CHFR: variants seen among roughly 807,000 people sequenced by gnomAD.
CHFR encodes checkpoint with forkhead and ring finger domains.
Under a neutral mutation model 87.6 loss-of-function variants are expected in CHFR, and 57 were observed. The observed-to-expected ratio is 0.65, with a 90% CI of 0.53 to 0.81. The LOEUF (loss-of-function observed/expected upper bound fraction) is 0.81. Ranked by LOEUF, CHFR falls within the 30% of genes least tolerant of loss-of-function variation. The pLI is 0.00. For synonymous variants in CHFR, 381 were observed against 359.2 expected (o/e 1.06, Z -0.69); for missense variants, 797 against 865.8 (o/e 0.92, Z 1.00).
At chr12:132,862,821 C>CT in intron 6 of CHFR, among the ~76,000 whole-genome samples, 1 of 151,334 alleles carries the variant, frequency 6.6e-6, no homozygotes, top group African/African-American at 2.4e-5. Context: ...ACCTCATGAT[C>CT]CACCTGCCTC....
intron 9 of CHFR, among the ~76,000 whole-genome samples, chr12:132,857,151 G>A (rs1382974064): frequency 2.2e-5 from 3 of 136,798 alleles, no homozygotes; most frequent in South Asian, 2.5e-4. Context: ...TCACGTGCCC[G>A]GGTGCTGCTG....
intron 3 of CHFR, among the ~76,000 whole-genome samples, chr12:132,874,238 A>ATTACAT (rs1951562667): frequency 6.6e-6 from 1 of 152,274 alleles, no homozygotes; most frequent in African/African-American, 2.4e-5. Context: ...AATAGCCATA[A>ATTACAT]GAAAGTACCA....
intron 3 of CHFR, among the ~76,000 whole-genome samples, chr12:132,873,554 G>A (rs910690753): frequency 1.3e-5 from 2 of 151,782 alleles, no homozygotes; most frequent in Non-Finnish European, 2.9e-5. Context: ...CTGGCTACGG[G>A]GCTGGAGTGC....
intron 4 of CHFR, among the ~76,000 whole-genome samples, chr12:132,870,996 G>A (rs1013761706): frequency 6.6e-6 from 1 of 152,216 alleles, no homozygotes; most frequent in Admixed American, 6.5e-5. Flanking sequence ...AATGGCATCA[G>A]GAGGCAGAAG....
chr12:132,868,287 G>A (rs904172209), intron 6 of CHFR, among the ~76,000 whole-genome samples: 3 of 152,136 alleles, frequency 2.0e-5, no homozygotes, highest in Admixed American at 6.6e-5. Flanking sequence ...TCAGGAGATC[G>A]AGACCATCCT....
chr12:132,843,013 G>A lies in CHFR; in HGVS notation c.1914C>T (p.Ala638=), dbSNP rs1401175113. 1.2e-6 allele frequency: 2 copies of A among 1,611,498 alleles called. No homozygotes were observed. Among genetic ancestry groups the A allele is most frequent in the Non-Finnish European group, 1.7e-6 (2 of 1,178,940 alleles). The change falls in exon 17 of 18, where the codon GCC becomes GCT. Residue 638 remains alanine, a splice_region_variant and synonymous_variant. Coordinates refer to ENST00000450056, the MANE Select transcript of CHFR (RefSeq NM_001161346.2). ...NCRTQVKAHH[A]MKFNHICEQT... is the part of the protein sequence containing the mutation. ...CCTGTGCCCCCAGCTGCACTCACAT[G>A]GCGTGGTGAGCTTTCACCTGAGTGC... is the stretch of plus-strand genomic sequence containing the variant.
intron 12 of CHFR, 140 bp downstream of exon 12, chr12:132,851,477 TG>T: frequency 1.1e-6 from 1 of 951,036 alleles, no homozygotes; most frequent in Non-Finnish European, 1.5e-6. Context: ...TATGGTGACG[TG>T]GGGAAAACTG....
chr12:132,849,780 G>C (rs1180805083), intron 12 of CHFR: 1 of 151,520 alleles, frequency 6.6e-6, no homozygotes, highest in Non-Finnish European at 1.5e-5. Flanking sequence ...AGTAAAGATG[G>C]GGTCTCACCG....
chr12:132,842,507 C>A (rs66746091), intron 17 of CHFR, among the ~76,000 whole-genome samples: 22,851 of 152,248 alleles, frequency 0.15, 2,246 homozygotes, highest in Admixed American at 0.21. Context: ...CCTTGGGCCA[C>A]AGGAGTGATT....
intron 6 of CHFR, 27 bp from the exon 7 acceptor site, chr12:132,861,661 T>A: frequency 6.2e-7 from 1 of 1,608,590 alleles, no homozygotes. Flanking sequence ...ACAAGATAGG[T>A]GCTGATCCAT....
At chr12:132,864,792 G>A (rs4303268) in intron 6 of CHFR, among the ~76,000 whole-genome samples, 1 of 152,046 alleles carries the variant, frequency 6.6e-6, no homozygotes, top group Non-Finnish European at 1.5e-5. Flanking sequence ...CCGGCCAGAA[G>A]AATTTTTTTT....
At chr12:132,880,884 G>C (rs1951752198) in intron 2 of CHFR, among the ~76,000 whole-genome samples, 1 of 151,986 alleles carries the variant, frequency 6.6e-6, no homozygotes, top group South Asian at 2.1e-4. Context: ...AGAATGGTGG[G>C]AACCCAGGAA....
rs377703818 is a variant in CHFR, at chr12:132,872,293, G to C, written c.335C>G (p.Pro112Arg). 6 of 1,607,182 alleles carry C rather than the reference G, an allele frequency of 3.7e-6. No individual in the cohort carries two copies. Among genetic ancestry groups the C allele is most frequent in the Non-Finnish European group, 4.3e-6 (5 of 1,173,774 alleles). Residue 112 changes from proline (P) to arginine (R), a missense_variant, in exon 4 of 18, where the codon CCG (proline) becomes CGG (arginine). By Grantham distance (103) the Pro-to-Arg change is moderately radical. Coordinates refer to ENST00000450056, the MANE Select transcript of CHFR (RefSeq NM_001161346.2). ...GCCTTCCTCTCTCTTACTGTGTTCC[G>C]GTTCATTCTTCCTGTACACCAAGTA... is the stretch of plus-strand genomic sequence containing the variant. Reference protein sequence around the residue: ...VIYLVYRKNEPEHNVAYLYES... With the variant: ...VIYLVYRKNEREHNVAYLYES...
chr12:132,861,644 G>C lies in CHFR; in HGVS notation c.584-10C>G, dbSNP rs199919075. The stretch of plus-strand genomic sequence containing the variant: ...CCACCACCCCCAGACCCTGTGAGAG[G>C]AATCAAACAAGATAGGTGCTGATCC... On this transcript the variant is annotated splice_polypyrimidine_tract_variant and intron_variant, in intron 6 of 17. Transcript: ENST00000450056. 3,051 of 1,613,196 alleles carry C rather than the reference G, an allele frequency of 1.9e-3. 16 individuals are homozygous for C. Among genetic ancestry groups the C allele is most frequent in the Non-Finnish European group, 2.1e-3 (2,518 of 1,179,348 alleles).
intron 4 of CHFR, chr12:132,871,848 A>T (rs1951498256): frequency 6.1e-6 from 1 of 163,298 alleles, no homozygotes; most frequent in Non-Finnish European, 1.3e-5. Flanking sequence ...GTTCTTCCAC[A>T]AAACAAAAAC....
intron 3 of CHFR, among the ~76,000 whole-genome samples, chr12:132,874,235 A>G (rs1339386025): frequency 6.6e-6 from 1 of 152,290 alleles, no homozygotes; most frequent in Non-Finnish European, 1.5e-5. Flanking sequence ...TACAATAGCC[A>G]TAAGAAAGTA....
chr12:132,841,804 T>G (rs1340031643), intron 17 of CHFR, among the ~76,000 whole-genome samples: 1 of 152,202 alleles, frequency 6.6e-6, no homozygotes, highest in East Asian at 1.9e-4. Context: ...TTAAAAATTT[T>G]GAAACAGAAG....
At chr12:132,883,281 C>G (rs1255373226) in intron 2 of CHFR, among the ~76,000 whole-genome samples, 1 of 151,214 alleles carries the variant, frequency 6.6e-6, no homozygotes, top group Non-Finnish European at 1.5e-5. Context: ...CAAAAATTAG[C>G]CAAGCATGGT....
At chr12:132,883,074 G>A (rs1160865802) in intron 2 of CHFR, 1 of 152,182 alleles carries the variant, frequency 6.6e-6, no homozygotes, top group Non-Finnish European at 1.5e-5. Context: ...TGCTGCGCTT[G>A]ACGCTTGGTG....
Sources: gnomAD v4.1 joint callset for allele counts (sites outside exome capture counted in the v4.1 genomes callset) on GRCh38, gnomAD v4.1.1 for gene constraint, MANE v1.5 for transcripts, NCBI Gene and HGNC (gene_info 2026-07-23, HGNC 2026-07-21) for gene names.